TTLL11: variants seen among roughly 807,000 people sequenced by gnomAD.
The protein encoded by TTLL11 is tubulin polyglutamylase TTLL11.
A neutral mutation model predicts 51.7 loss-of-function variants in TTLL11; 42 were observed. That is an observed-to-expected ratio of 0.81 (90% confidence interval 0.64 to 1.05). The LOEUF (loss-of-function observed/expected upper bound fraction) is 1.05, where lower values mean the gene tolerates loss of function less well. Among genes scored for constraint, TTLL11 ranks in the 50% least tolerant of loss-of-function variants. TTLL11 has a pLI of 0.00. For missense variants in TTLL11, 799 were observed against 940.4 expected (o/e 0.85, Z 1.97); for synonymous variants, 381 against 383.5 (o/e 0.99, Z 0.08).
intron 6 of TTLL11, among the ~76,000 whole-genome samples, chr9:121,886,722 G>A (rs371754810): frequency 1.4e-4 from 22 of 152,314 alleles, no homozygotes; most frequent in African/African-American, 5.3e-4. Context: ...TACCCTTGGG[G>A]GTTACTGTGA....
chr9:121,958,830 G>A (rs1453527327), intron 6 of TTLL11, among the ~76,000 whole-genome samples: 2 of 152,170 alleles, frequency 1.3e-5, no homozygotes, highest in South Asian at 2.1e-4. Context: ...CTGCACAGGT[G>A]TATGGGGAGA....
rs554086739 is a variant in TTLL11, at chr9:121,861,066, C to T, written c.1734-623G>A. Among the ~76,000 whole-genome samples, 22 of 148,154 alleles carry T rather than the reference C, an allele frequency of 1.5e-4. No homozygotes were observed. In the South Asian group the frequency reaches 4.7e-3, roughly 32 times the overall value. On this transcript the variant is annotated intron_variant, in intron 7 of 8. Coordinates refer to ENST00000321582, the MANE Select transcript of TTLL11 (RefSeq NM_001139442.2). ...TCTAACAGGCTGGAAAGAGCAAGAA[C>T]TTTAGAAAAGCAAGGCAAGTGTTTT...
chr9:121,879,397 AG>A (rs533957086), intron 6 of TTLL11, among the ~76,000 whole-genome samples: 30 of 152,320 alleles, frequency 2.0e-4, no homozygotes, highest in African/African-American at 5.8e-4. Flanking sequence ...TCATTTTCTC[AG>A]GCCTGGCTGG....
chr9:122,031,942 C>T lies in TTLL11; in HGVS notation c.560-86G>A, dbSNP rs918045949. The T allele has an allele frequency of 8.6e-6, 13 of 1,502,928 alleles. No individual in the cohort carries two copies. The South Asian group carries it at 9.5e-5, about 11-fold the overall frequency. 93.1% of individuals were successfully genotyped at this position (1,502,928 alleles called of 1,614,324 possible). On this transcript the variant is annotated intron_variant, in intron 2 of 8. Transcript: ENST00000321582. ...ATTATTTGGGACTTTTAAAACCACC[C>T]ACCCGACATATTCTCTTTTTCAGGC...
chr9:121,876,606 G>T (rs1472591512), intron 6 of TTLL11, among the ~76,000 whole-genome samples: 2 of 152,060 alleles, frequency 1.3e-5, no homozygotes, highest in African/African-American at 4.8e-5. Context: ...ATGAGAGAAT[G>T]TGGTAGATTT....
chr9:122,068,507 A>G (rs1301454908), intron 1 of TTLL11, among the ~76,000 whole-genome samples: 1 of 152,222 alleles, frequency 6.6e-6, no homozygotes, highest in African/African-American at 2.4e-5. Context: ...CTTATTATGT[A>G]CCATTGGGAC....
chr9:121,957,710 A>G (rs892026065), intron 6 of TTLL11, among the ~76,000 whole-genome samples: 1 of 152,058 alleles, frequency 6.6e-6, no homozygotes, highest in African/African-American at 2.4e-5. Flanking sequence ...GGACCCCGAA[A>G]TTCCCCTCCT....
At chr9:122,049,604 T>C (rs371429239) in intron 1 of TTLL11, among the ~76,000 whole-genome samples, 19 of 152,186 alleles carry the variant, frequency 1.2e-4, no homozygotes, top group African/African-American at 3.9e-4. Flanking sequence ...CCCGAAATCT[T>C]TTCCCTCTTG....
chr9:121,932,013 T>C (rs1464121226), intron 6 of TTLL11, among the ~76,000 whole-genome samples: 3 of 152,198 alleles, frequency 2.0e-5, no homozygotes, highest in Non-Finnish European at 4.4e-5. Context: ...CAATCAGATA[T>C]TGTCACCATT....
intron 6 of TTLL11, among the ~76,000 whole-genome samples, chr9:121,954,681 CACACACACACACACACAG>C (rs1372214917): frequency 6.6e-6 from 1 of 150,644 alleles, no homozygotes; most frequent in South Asian, 2.1e-4. Flanking sequence ...CACAGACGCA[CACACACACACACACACAG>C]ACACACACAC....
At chr9:121,876,691 G>A (rs138848122) in intron 6 of TTLL11, among the ~76,000 whole-genome samples, 228 of 152,356 alleles carry the variant, frequency 1.5e-3, no homozygotes, top group African/African-American at 5.4e-3. Context: ...TCCGAACTGA[G>A]AGGGGAAGGG....
intron 6 of TTLL11, among the ~76,000 whole-genome samples, chr9:121,944,241 C>T (rs1841588036): frequency 6.6e-6 from 1 of 152,154 alleles, no homozygotes; most frequent in Non-Finnish European, 1.5e-5. Context: ...GGTGCGGTGG[C>T]TCACGCCTGT....
chr9:122,086,164 A>G (rs1390820148), intron 1 of TTLL11, among the ~76,000 whole-genome samples: 2 of 152,216 alleles, frequency 1.3e-5, no homozygotes, highest in Non-Finnish European at 1.5e-5. Context: ...AAACACACAG[A>G]CACGATTTTA....
At chr9:121,876,039 A>T (rs533912618) in intron 6 of TTLL11, among the ~76,000 whole-genome samples, 1 of 152,348 alleles carries the variant, frequency 6.6e-6, no homozygotes, top group South Asian at 2.1e-4. Context: ...TTCTCATAAC[A>T]ATTCTACAGT....
chr9:121,852,068 C>T (rs1837678422), intron 8 of TTLL11, among the ~76,000 whole-genome samples: 2 of 152,198 alleles, frequency 1.3e-5, no homozygotes, highest in African/African-American at 4.8e-5. Flanking sequence ...CCTGTTCTGC[C>T]CCTGCCTGCC....
chr9:122,081,259 T>C (rs557124408), intron 1 of TTLL11, among the ~76,000 whole-genome samples: 1 of 152,354 alleles, frequency 6.6e-6, no homozygotes, highest in South Asian at 2.1e-4. Context: ...AGACCTGGCC[T>C]ACAAGCCAGG....
chr9:121,929,652 C>T (rs1840894292), intron 6 of TTLL11, among the ~76,000 whole-genome samples: 1 of 152,200 alleles, frequency 6.6e-6, no homozygotes, highest in African/African-American at 2.4e-5. Context: ...GTGCAGGGGT[C>T]TTGTGCTGAG....
At chr9:121,863,128 T>C (rs1179733933) in intron 7 of TTLL11, among the ~76,000 whole-genome samples, 3 of 152,144 alleles carry the variant, frequency 2.0e-5, no homozygotes, top group Non-Finnish European at 4.4e-5. Flanking sequence ...CGTATTTCAA[T>C]CACGAGTCGC....
At chr9:122,059,550 GAA>G (rs1344749172) in intron 1 of TTLL11, among the ~76,000 whole-genome samples, 2 of 152,160 alleles carry the variant, frequency 1.3e-5, no homozygotes, top group Admixed American at 1.3e-4. Flanking sequence ...AGAGAAGCTT[GAA>G]GTTTCTTGGA....
Sources: gnomAD v4.1 joint callset for allele counts (sites outside exome capture counted in the v4.1 genomes callset) on GRCh38, gnomAD v4.1.1 for gene constraint, MANE v1.5 for transcripts, NCBI Gene and HGNC (gene_info 2026-07-23, HGNC 2026-07-21) for gene names.